Variants in CACUL1 observed in about 807,000 individuals in gnomAD.
The protein encoded by CACUL1 is CDK2 associated cullin domain 1, also known as CDK2-associated and cullin domain-containing protein 1.
Under a neutral mutation model 45.2 loss-of-function variants are expected in CACUL1, and 13 were observed. The ratio of observed to expected loss-of-function variants is 0.29; its 90% CI spans 0.19 to 0.46. The LOEUF (loss-of-function observed/expected upper bound fraction) is 0.46, where lower values mean the gene tolerates loss of function less well. CACUL1 is among the 20% of genes least tolerant of loss of function. The probability of loss-of-function intolerance (pLI) is 1.00; values close to 1 mark genes in which losing one functional copy is unlikely to be tolerated. For synonymous variants in CACUL1, 197 were observed against 174.2 expected (o/e 1.13, Z -1.03); for missense variants, 421 against 471.4 (o/e 0.89, Z 0.99).
At chr10:118,722,366 GGT>G (rs1271255183) in intron 3 of CACUL1, among the ~76,000 whole-genome samples, 1 of 152,086 alleles carries the variant, frequency 6.6e-6, no homozygotes, top group Non-Finnish European at 1.5e-5. Flanking sequence ...TGGGATTACA[GGT>G]GTGAGCCACC....
At chr10:118,706,399 G>A (rs1845432442) in intron 4 of CACUL1, among the ~76,000 whole-genome samples, 1 of 152,108 alleles carries the variant, frequency 6.6e-6, no homozygotes, top group Non-Finnish European at 1.5e-5. Flanking sequence ...GAAATAAAAT[G>A]TTTGCTCTAT....
chr10:118,694,317 G>C (rs913522396), intron 6 of CACUL1, among the ~76,000 whole-genome samples: 30 of 152,314 alleles, frequency 2.0e-4, no homozygotes, highest in African/African-American at 7.0e-4. Context: ...AATAACAGCA[G>C]TGAATGTTTG....
At chr10:118,730,443 G>A (rs367873196) in intron 1 of CACUL1, 33 bp from the exon 2 acceptor site, 74 of 1,559,866 alleles carry the variant, frequency 4.7e-5, no homozygotes, top group East Asian at 3.9e-4. Context: ...ATATTACTAC[G>A]TGCCACATGT....
intron 3 of CACUL1, among the ~76,000 whole-genome samples, chr10:118,722,839 C>T (rs1028159827): frequency 1.3e-5 from 2 of 152,230 alleles, no homozygotes; most frequent in African/African-American, 4.8e-5. Flanking sequence ...CACCAGTGTG[C>T]CATGTCAGTT....
chr10:118,717,955 A>G (rs536194541), intron 3 of CACUL1, among the ~76,000 whole-genome samples: 114 of 116,142 alleles, frequency 9.8e-4, no homozygotes, highest in African/African-American at 3.7e-3. Context: ...CCTCCATGAC[A>G]AAAAAAGGTG....
intron 3 of CACUL1, among the ~76,000 whole-genome samples, chr10:118,727,427 C>T (rs1845662230): frequency 6.7e-6 from 1 of 149,642 alleles, no homozygotes; most frequent in Admixed American, 6.7e-5. Flanking sequence ...ACACTAACAT[C>T]AGAAGAAATA....
intron 7 of CACUL1, among the ~76,000 whole-genome samples, chr10:118,687,838 CAT>C (rs1407458565): frequency 1.3e-5 from 2 of 151,566 alleles, no homozygotes; most frequent in Non-Finnish European, 2.9e-5. Flanking sequence ...TTTTTTTTTA[CAT>C]GTTTGTTGTT....
At chr10:118,745,903 C>A (rs1845838528) in intron 1 of CACUL1, among the ~76,000 whole-genome samples, 1 of 151,724 alleles carries the variant, frequency 6.6e-6, no homozygotes, top group East Asian at 1.9e-4. Context: ...CTTTGGGAAG[C>A]CGAGGTGGGT....
Position 118,728,838 on chromosome 10 carries a change from T to C in CACUL1, c.597+457A>G, listed in dbSNP as rs1589614823. ...GCCCCAGATTTTAGAGCTGAGATGA[T>C]GCCTATTTACAGGAGGTTTATCAAT... is the stretch of plus-strand genomic sequence containing the variant. On this transcript the variant is annotated intron_variant, in intron 3 of 8. Transcript: ENST00000369151. Among the ~76,000 whole-genome samples, 6 of 152,314 alleles carry C rather than the reference T, an allele frequency of 3.9e-5. 1 individual carries two copies. Among genetic ancestry groups the C allele is most frequent in the Admixed American group, 3.9e-4 (6 of 15,302 alleles).
chr10:118,736,623 G>A (rs981438253), intron 1 of CACUL1, among the ~76,000 whole-genome samples: 4 of 152,078 alleles, frequency 2.6e-5, no homozygotes, highest in East Asian at 1.9e-4. Flanking sequence ...GATTACACAC[G>A]TGAGCCACAG....
At chr10:118,700,740 G>A (rs1845371767) in intron 5 of CACUL1, among the ~76,000 whole-genome samples, 1 of 142,032 alleles carries the variant, frequency 7.0e-6, no homozygotes, top group Non-Finnish European at 1.5e-5. Context: ...AAAAAAGAAT[G>A]GGAAGAGGAG....
chr10:118,727,619 G>A (rs921676419), intron 3 of CACUL1, among the ~76,000 whole-genome samples: 20 of 152,162 alleles, frequency 1.3e-4, no homozygotes, highest in Non-Finnish European at 2.2e-4. Context: ...TTTAGACTTA[G>A]TAAACGACAT....
Position 118,730,420 on chromosome 10 carries a change from A to G in CACUL1, c.368-10T>C. ...GTTATAACATTCATTACTAAAAGTA[A>G]AAAGTAAAATAAATATTACTACGTG... On this transcript the variant is annotated splice_polypyrimidine_tract_variant and intron_variant, in intron 1 of 8. Coordinates refer to ENST00000369151, the MANE Select transcript of CACUL1 (RefSeq NM_153810.5). 1.2e-6 allele frequency: 2 copies of G among 1,601,508 alleles called. No homozygotes were observed. Among genetic ancestry groups the G allele is most frequent in the Non-Finnish European group, 1.7e-6 (2 of 1,172,834 alleles).
Position 118,677,943 on chromosome 10 carries a change from A to C in CACUL1, c.*8185T>G, listed in dbSNP as rs1287005550. ...TTCTCCAAAGTAGAAGTGCAGATTTACACGCCAACAACAGGTGAAGGTTTG... is the reference window on the plus strand; with the variant it reads ...TTCTCCAAAGTAGAAGTGCAGATTTCCACGCCAACAACAGGTGAAGGTTTG... On this transcript the variant is annotated 3_prime_UTR_variant, in exon 9 of 9. Coordinates refer to ENST00000369151, the MANE Select transcript of CACUL1 (RefSeq NM_153810.5). 3 of 152,356 alleles carry C rather than the reference A, an allele frequency of 2.0e-5. No individual in the cohort carries two copies. The highest frequency in any genetic ancestry group is 7.2e-5 in the African/African-American group (3 of 41,582). The allele number at this position is 152,356 out of a possible 1,614,324, so 9.4% of individuals were successfully genotyped here.
chr10:118,692,865 G>C lies in CACUL1; in HGVS notation c.887-1462C>G, dbSNP rs373260175. The C allele has an allele frequency of 3.9e-5, 6 of 152,282 alleles. No homozygotes were observed. In the East Asian group the frequency reaches 1.2e-3, roughly 29 times the overall value. 9.4% of individuals were successfully genotyped at this position (152,282 alleles called of 1,614,324 possible). On this transcript the variant is annotated intron_variant, in intron 6 of 8. Coordinates refer to ENST00000369151, the MANE Select transcript of CACUL1 (RefSeq NM_153810.5). The stretch of plus-strand genomic sequence containing the variant: ...ATAGCTAATTAAAGCTGGCAAATAA[G>C]CACTGCAAATGATACAAGGACCAAT...
At chr10:118,744,137 G>A (rs985927799) in intron 1 of CACUL1, among the ~76,000 whole-genome samples, 3 of 152,186 alleles carry the variant, frequency 2.0e-5, no homozygotes, top group Non-Finnish European at 2.9e-5. Context: ...TGTAATCCTA[G>A]CACTTTGGGA....
chr10:118,703,710 G>A (rs1845406818), intron 4 of CACUL1, among the ~76,000 whole-genome samples: 1 of 152,122 alleles, frequency 6.6e-6, no homozygotes, highest in South Asian at 2.1e-4. Flanking sequence ...TTTCTTTATA[G>A]ATTCACCAGA....
intron 6 of CACUL1, chr10:118,693,804 T>C (rs1287904970): frequency 4.5e-6 from 2 of 445,942 alleles, no homozygotes; most frequent in Non-Finnish European, 8.9e-6. Context: ...TCTTTACTAC[T>C]TTATACAAGT....
chr10:118,715,175 A>C (rs1589609908), intron 3 of CACUL1, among the ~76,000 whole-genome samples: 1 of 152,232 alleles, frequency 6.6e-6, no homozygotes, highest in East Asian at 1.9e-4. Flanking sequence ...TGTCCAGTTT[A>C]AATAGTGAAA....
Sources: allele counts gnomAD v4.1 joint callset (sites outside exome capture counted in the v4.1 genomes callset), GRCh38; gene constraint gnomAD v4.1.1; transcripts MANE v1.5; gene names NCBI Gene and HGNC (gene_info 2026-07-23, HGNC 2026-07-21).